The following MCOLN2 variants were observed in gnomAD, a reference collection of about 807,000 sequenced individuals.
MCOLN2 encodes the protein mucolipin-2.
MCOLN2 carries 57 observed loss-of-function variants against 67.5 expected under a neutral mutation model. The observed-to-expected ratio is 0.84, with a 90% CI of 0.68 to 1.05. The LOEUF is 1.05. Ranked by LOEUF, MCOLN2 falls within the 50% of genes least tolerant of loss-of-function variation. The pLI, the probability that MCOLN2 is intolerant of heterozygous loss-of-function variation, is 0.00. For synonymous variants in MCOLN2, 246 were observed against 233.3 expected (o/e 1.05, Z -0.50); for missense variants, 620 against 678.8 (o/e 0.91, Z 0.96).
At chr1:84,956,362 G>C in intron 4 of MCOLN2, 69 bp downstream of exon 4, 1 of 1,510,438 alleles carries the variant, frequency 6.6e-7, no homozygotes. Flanking sequence ...TGGGTTGCTA[G>C]CACATGAGGG....
At chr1:84,930,719 C>G (rs1382192299) in intron 12 of MCOLN2, among the ~76,000 whole-genome samples, 1 of 152,170 alleles carries the variant, frequency 6.6e-6, no homozygotes, top group Non-Finnish European at 1.5e-5. Flanking sequence ...GACAAAGGCA[C>G]TGGCATGGCA....
rs191257304 is a variant in MCOLN2, at chr1:84,981,191, C to T, written c.78-15483G>A. On this transcript the variant is annotated intron_variant, in intron 1 of 13. Coordinates refer to ENST00000370608, the MANE Select transcript of MCOLN2 (RefSeq NM_153259.4). ...GAGGATGTTGAGAAAAGGGAACCCT[C>T]ATACACTGTTGGTGGGACTGTAAAT... 7.2e-5 allele frequency among the ~76,000 whole-genome samples: 11 copies of T among 152,292 alleles called. No individual in the cohort carries two copies. The East Asian group carries it at 2.1e-3, about 29-fold the overall frequency.
At chr1:84,931,706 A>G (rs1225186678) in intron 11 of MCOLN2, 138 bp from the exon 12 acceptor site, 8 of 714,804 alleles carry the variant, frequency 1.1e-5, no homozygotes, top group East Asian at 5.4e-5. Context: ...CTAGAACACC[A>G]TAAGAAGTAG....
At chr1:84,957,811 T>C (rs1648871757) in intron 3 of MCOLN2, among the ~76,000 whole-genome samples, 1 of 152,214 alleles carries the variant, frequency 6.6e-6, no homozygotes, top group Non-Finnish European at 1.5e-5. Flanking sequence ...TTAAGCTCTA[T>C]AAAGGAAGGC....
At chr1:84,932,149 T>C (rs1398746184) in intron 11 of MCOLN2, among the ~76,000 whole-genome samples, 2 of 152,058 alleles carry the variant, frequency 1.3e-5, no homozygotes, top group Non-Finnish European at 2.9e-5. Context: ...CAAGTTTAGA[T>C]CCTGGTTTTT....
At chr1:84,956,296 T>C (rs1311076528) in intron 4 of MCOLN2, 135 bp downstream of exon 4, 13 of 766,252 alleles carry the variant, frequency 1.7e-5, no homozygotes, top group Non-Finnish European at 2.8e-5. Context: ...TGCAGGCCAG[T>C]GTTGGAGTGT....
intron 1 of MCOLN2, among the ~76,000 whole-genome samples, chr1:84,993,823 G>A (rs1256934770): frequency 6.6e-6 from 1 of 151,278 alleles, no homozygotes; most frequent in Non-Finnish European, 1.5e-5. Context: ...GTAGAGACGG[G>A]GTTTCACCTT....
At chr1:84,964,834 G>A (rs1649291136) in intron 2 of MCOLN2, among the ~76,000 whole-genome samples, 1 of 152,006 alleles carries the variant, frequency 6.6e-6, no homozygotes. Flanking sequence ...GATCTGACAG[G>A]AGGCGGAGCT....
At chr1:84,968,024 C>T (rs188576845) in intron 1 of MCOLN2, among the ~76,000 whole-genome samples, 14 of 152,208 alleles carry the variant, frequency 9.2e-5, no homozygotes, top group Non-Finnish European at 5.9e-5. Flanking sequence ...GATACCTACA[C>T]GAGTAACAGC....
Position 84,956,466 on chromosome 1 carries a change from T to C in MCOLN2, c.530A>G (p.Asn177Ser), listed in dbSNP as rs1196727363. 1.9e-6 allele frequency: 3 copies of C among 1,611,502 alleles called. No homozygotes were observed. Among genetic ancestry groups the C allele is most frequent in the Middle Eastern group, 1.7e-4 (1 of 6,050 alleles). ...GTCGTTGTCAATATTCAGTGTCTCATTAGAAGGAAACATGGTCCCTTTCTT... is the reference window on the plus strand; with the variant it reads ...GTCGTTGTCAATATTCAGTGTCTCACTAGAAGGAAACATGGTCCCTTTCTT... Reference protein sequence around the residue: ...HYKKGTMFPSNETLNIDNDVE... With the variant: ...HYKKGTMFPSSETLNIDNDVE... The change falls in exon 4 of 14, where the codon AAT (asparagine) becomes AGT (serine). Residue 177 changes from asparagine to serine, a missense_variant. By Grantham distance (46) the Asn-to-Ser change is conservative. Transcript: ENST00000370608.
chr1:84,949,424 G>A lies in MCOLN2; in HGVS notation c.748-2292C>T, dbSNP rs145352251. Among the ~76,000 whole-genome samples the A allele has an allele frequency of 3.5e-3, 539 of 152,288 alleles. 1 individual carries two copies. The highest frequency in any genetic ancestry group is 0.013 in the African/African-American group (520 of 41,556). On this transcript the variant is annotated intron_variant, in intron 6 of 13. Transcript: ENST00000370608. Reference sequence around the variant, plus strand: ...GAGGCTAAGGCAGACAGATCACGAGGTCAGGAGATCAAGACCATCCTAGCT... The same window carrying A: ...GAGGCTAAGGCAGACAGATCACGAGATCAGGAGATCAAGACCATCCTAGCT...
chr1:84,936,562 T>C (rs775347193), intron 11 of MCOLN2, among the ~76,000 whole-genome samples: 4 of 152,176 alleles, frequency 2.6e-5, no homozygotes, highest in Admixed American at 1.3e-4. Context: ...AGCAGTGACA[T>C]GGAGTATGAA....
At chr1:84,938,204 G>GTT in intron 9 of MCOLN2, 122 bp from the exon 10 acceptor site, 2 of 465,940 alleles carry the variant, frequency 4.3e-6, no homozygotes, top group African/African-American at 2.0e-5. Flanking sequence ...AGGTGATAGA[G>GTT]TTTTTTTTTG....
chr1:84,954,446 G>T (rs1368322252), intron 4 of MCOLN2, among the ~76,000 whole-genome samples: 1 of 152,196 alleles, frequency 6.6e-6, no homozygotes, highest in African/African-American at 2.4e-5. Context: ...CTCCATACCA[G>T]ACACTGTGCT....
chr1:84,970,205 T>G (rs1649599390), intron 1 of MCOLN2, among the ~76,000 whole-genome samples: 1 of 151,948 alleles, frequency 6.6e-6, no homozygotes, highest in Non-Finnish European at 1.5e-5. Flanking sequence ...TATGAAATGG[T>G]GTACACTGAA....
rs530913322 is a variant in MCOLN2, at chr1:84,956,587, A to G, written c.412-3T>C. On this transcript the variant is annotated splice_polypyrimidine_tract_variant and splice_region_variant and intron_variant, in intron 3 of 13. Transcript: ENST00000370608. ...GTAATGTCCTTTAGCTGATGATACTATTAAAAAATAGTCAAGTAAAAACCA... is the reference window on the plus strand; with the variant it reads ...GTAATGTCCTTTAGCTGATGATACTGTTAAAAAATAGTCAAGTAAAAACCA... 2 of 1,572,324 alleles carry G rather than the reference A, an allele frequency of 1.3e-6. No homozygotes were observed. Among genetic ancestry groups the G allele is most frequent in the East Asian group, 4.6e-5 (2 of 43,780 alleles).
chr1:84,961,047 CT>C (rs1649063375), intron 2 of MCOLN2, among the ~76,000 whole-genome samples: 1 of 152,172 alleles, frequency 6.6e-6, no homozygotes, highest in Non-Finnish European at 1.5e-5. Context: ...CTATTATATA[CT>C]CAGGAAATGA....
chr1:84,966,831 AAC>A (rs1649404643), intron 1 of MCOLN2, among the ~76,000 whole-genome samples: 1 of 152,156 alleles, frequency 6.6e-6, no homozygotes, highest in Admixed American at 6.5e-5. Flanking sequence ...GAGTGCCGAA[AAC>A]AATCCATTGG....
intron 2 of MCOLN2, among the ~76,000 whole-genome samples, chr1:84,960,713 C>T (rs1004362918): frequency 3.3e-5 from 5 of 152,172 alleles, no homozygotes; most frequent in African/African-American, 1.2e-4. Flanking sequence ...TCATGTTGCT[C>T]TTGAAAGCTA....
Sources: gnomAD v4.1 joint callset for allele counts (sites outside exome capture counted in the v4.1 genomes callset) on GRCh38, gnomAD v4.1.1 for gene constraint, MANE v1.5 for transcripts, NCBI Gene and HGNC (gene_info 2026-07-23, HGNC 2026-07-21) for gene names.